Variants in ACSBG2 observed in about 807,000 individuals in gnomAD.
ACSBG2 encodes the protein long-chain-fatty-acid--CoA ligase ACSBG2.
Under a neutral mutation model 74.7 loss-of-function variants are expected in ACSBG2, and 62 were observed. The observed-to-expected ratio is 0.83, with a 90% CI of 0.68 to 1.03. ACSBG2 has a LOEUF of 1.03. Ranked by LOEUF, ACSBG2 falls within the 50% of genes least tolerant of loss-of-function variation. ACSBG2 has a pLI of 0.00. For synonymous variants in ACSBG2, 309 were observed against 294.1 expected (o/e 1.05, Z -0.52); for missense variants, 730 against 817.6 (o/e 0.89, Z 1.31).
In ACSBG2 at chr19:6,167,736, G is replaced by A. The variant is rs181903833; in HGVS notation, c.738+1721G>A. 2.7e-4 allele frequency among the ~76,000 whole-genome samples: 41 copies of A among 152,304 alleles called. 1 individual carries two copies. The highest frequency in any genetic ancestry group is 2.5e-3 in the Admixed American group (38 of 15,298). ...TATGTAAATTAAAACTTGGCTTCCT[G>A]TAAAATTTGATGCATAAATATATTT... On this transcript the variant is annotated intron_variant, in intron 7 of 14. Transcript: ENST00000588485.
intron 7 of ACSBG2, among the ~76,000 whole-genome samples, chr19:6,171,154 C>T (rs536946450): frequency 1.3e-3 from 192 of 151,888 alleles, no homozygotes; most frequent in Non-Finnish European, 2.3e-3. Context: ...CAGGTTGGGT[C>T]TTATTTATTA....
At chr19:6,185,804 T>G in intron 11 of ACSBG2, 151 bp downstream of exon 11, 15 of 758,160 alleles carry the variant, frequency 2.0e-5, no homozygotes, top group Non-Finnish European at 2.8e-5. Context: ...AACCCAGCTC[T>G]ATCCTCCTGT....
chr19:6,177,475 G>A (rs1263708605), intron 8 of ACSBG2, 79 bp downstream of exon 8: 5 of 1,458,796 alleles, frequency 3.4e-6, no homozygotes, highest in East Asian at 2.4e-5. Context: ...TTAATCATTC[G>A]ACAGATTTTT....
intron 1 of ACSBG2, among the ~76,000 whole-genome samples, chr19:6,139,943 G>C (rs1200171414): frequency 6.6e-6 from 1 of 152,156 alleles, no homozygotes; most frequent in Non-Finnish European, 1.5e-5. Context: ...CCAGGCATAG[G>C]CTGGGTGCGG....
intron 8 of ACSBG2, among the ~76,000 whole-genome samples, chr19:6,179,133 C>T (rs1054612328): frequency 6.6e-6 from 1 of 152,168 alleles, no homozygotes. Context: ...CTACAAGCTG[C>T]CATACAGGGA....
At chr19:6,182,609 T>C in intron 8 of ACSBG2, 142 bp from the exon 9 acceptor site, 2 of 752,228 alleles carry the variant, frequency 2.7e-6, no homozygotes, top group Non-Finnish European at 4.3e-6. Context: ...GCTAATGGGT[T>C]GTCTCCTTTT....
chr19:6,163,951 A>G (rs2089715381), intron 6 of ACSBG2, among the ~76,000 whole-genome samples: 1 of 152,146 alleles, frequency 6.6e-6, no homozygotes, highest in Non-Finnish European at 1.5e-5. Flanking sequence ...CTCAAAAGAA[A>G]AAAGAAAGAA....
chr19:6,183,743 G>T (rs1258847176), intron 10 of ACSBG2, among the ~76,000 whole-genome samples: 4 of 152,142 alleles, frequency 2.6e-5, no homozygotes, highest in Admixed American at 2.6e-4. Context: ...GTCTCTCCCT[G>T]ACTCCCTCCT....
chr19:6,190,800 TACACACATAC>T, intron 14 of ACSBG2, 108 bp downstream of exon 14: 1 of 241,788 alleles, frequency 4.1e-6, no homozygotes, highest in South Asian at 5.1e-5. Context: ...AACACACACA[TACACACATAC>T]ATACACACAC....
At chr19:6,168,085 C>T (rs181554632) in intron 7 of ACSBG2, among the ~76,000 whole-genome samples, 5 of 152,042 alleles carry the variant, frequency 3.3e-5, no homozygotes, top group Admixed American at 3.3e-4. Flanking sequence ...TCCCACTTCC[C>T]TCCAGGTAAA....
intron 5 of ACSBG2, among the ~76,000 whole-genome samples, chr19:6,158,050 CTTTTTTTTTCT>C (rs1190767822): frequency 2.0e-5 from 2 of 100,608 alleles, no homozygotes; most frequent in African/African-American, 7.7e-5. Flanking sequence ...TTACAATTTT[CTTTTTTTTTCT>C]TTTTTTTTTT....
chr19:6,190,824 C>G lies in ACSBG2; in HGVS notation c.*35+132C>G, dbSNP rs1600146933. 2.9e-5 allele frequency: 16 copies of G among 543,716 alleles called. No individual in the cohort carries two copies. In the South Asian group the frequency reaches 3.2e-4, roughly 11 times the overall value. 33.7% of individuals were successfully genotyped at this position (543,716 alleles called of 1,614,324 possible). On this transcript the variant is annotated intron_variant, in intron 14 of 14. Coordinates refer to ENST00000588485, the MANE Select transcript of ACSBG2 (RefSeq NM_030924.5). ...ATACACACATACATACACACACACA[C>G]ACACACACACACACACACACACACA...
rs183853513 is a variant in ACSBG2, at chr19:6,180,346, A to G, written c.907-2405A>G. On this transcript the variant is annotated intron_variant, in intron 8 of 14. Coordinates refer to ENST00000588485, the MANE Select transcript of ACSBG2 (RefSeq NM_030924.5). The surrounding 1 kb of genome is among the most constrained non-coding windows in gnomAD (Gnocchi z 4.3). ...TTAGGGCCTTTGCACGTGCTTCTAGAAGGTTCTTTCTCTTGTTCTTTGCAG... is the reference window on the plus strand; with the variant it reads ...TTAGGGCCTTTGCACGTGCTTCTAGGAGGTTCTTTCTCTTGTTCTTTGCAG... Among the ~76,000 whole-genome samples, 412 of 152,256 alleles carry G rather than the reference A, an allele frequency of 2.7e-3. No homozygotes were observed. Among genetic ancestry groups the G allele is most frequent in the Non-Finnish European group, 5.0e-3 (340 of 68,004 alleles).
At chr19:6,181,532 CT>C (rs917807642) in intron 8 of ACSBG2, among the ~76,000 whole-genome samples, 1 of 152,028 alleles carries the variant, frequency 6.6e-6, no homozygotes, top group Admixed American at 6.6e-5. Context: ...CCTCAATAAT[CT>C]TTTGAAGAGG....
chr19:6,181,221 C>CAAAA (rs1157571006), intron 8 of ACSBG2, among the ~76,000 whole-genome samples: 801 of 29,144 alleles, frequency 0.027, 26 homozygotes, highest in African/African-American at 0.08. Context: ...GAGACTGTGT[C>CAAAA]AAAAAAAAAA....
At chr19:6,177,142 G>A (rs1301694591) in intron 7 of ACSBG2, 87 bp from the exon 8 acceptor site, 2 of 1,434,646 alleles carry the variant, frequency 1.4e-6, no homozygotes, top group East Asian at 5.0e-5. Context: ...GTCTGGGTGA[G>A]CCCTGTCTGA....
chr19:6,152,302 G>GT (rs2089266886), intron 4 of ACSBG2, among the ~76,000 whole-genome samples: 1 of 7,276 alleles, frequency 1.4e-4, no homozygotes, highest in Non-Finnish European at 4.0e-4. Context: ...TTTTTTTTTT[G>GT]AGACGGAGTC....
chr19:6,147,941 A>C (rs1413577049), intron 3 of ACSBG2, among the ~76,000 whole-genome samples: 1 of 152,256 alleles, frequency 6.6e-6, no homozygotes, highest in Non-Finnish European at 1.5e-5. Context: ...TTTTACACAC[A>C]TAATAGCCTA....
intron 3 of ACSBG2, among the ~76,000 whole-genome samples, chr19:6,149,043 G>T (rs1008007189): frequency 2.6e-5 from 4 of 152,208 alleles, no homozygotes; most frequent in African/African-American, 7.2e-5. Flanking sequence ...GGAGGCAGAG[G>T]TTGCAGTGAG....
Sources: allele counts gnomAD v4.1 joint callset (sites outside exome capture counted in the v4.1 genomes callset), GRCh38; gene constraint gnomAD v4.1.1; non-coding constraint Gnocchi (gnomAD v3.1); transcripts MANE v1.5; gene names NCBI Gene and HGNC (gene_info 2026-07-23, HGNC 2026-07-21).